The following PYGL variants were observed in gnomAD, a reference collection of about 807,000 sequenced individuals.
PYGL encodes the protein glycogen phosphorylase, liver form.
In PYGL, 90 loss-of-function variants were observed where a neutral mutation model predicts 100.1. The observed-to-expected ratio is 0.90, with a 90% CI of 0.76 to 1.07. The LOEUF (loss-of-function observed/expected upper bound fraction) is 1.07, where lower values mean the gene tolerates loss of function less well. PYGL is among the 50% of genes least tolerant of loss of function. The pLI is 0.00. For synonymous variants in PYGL, 373 were observed against 393.0 expected, an observed-to-expected ratio of 0.95 and a Z score of 0.60; for missense variants, 1,016 against 1,057.6, an observed-to-expected ratio of 0.96 and a Z score of 0.55.
At chr14:50,925,000 T>G (rs985542670) in intron 4 of PYGL, among the ~76,000 whole-genome samples, 6 of 152,236 alleles carry the variant, frequency 3.9e-5, no homozygotes, top group Non-Finnish European at 7.3e-5. Context: ...TGTGGATTGC[T>G]TAACGACAGG....
intron 7 of PYGL, among the ~76,000 whole-genome samples, chr14:50,919,217 C>A (rs955538546): frequency 2.0e-5 from 3 of 152,184 alleles, no homozygotes; most frequent in African/African-American, 4.8e-5. Flanking sequence ...CAAGCCCCTG[C>A]AGACTGGGTT....
At chr14:50,931,510 C>T (rs1265579210) in intron 4 of PYGL, among the ~76,000 whole-genome samples, 163 bp downstream of exon 4, 2 of 152,168 alleles carry the variant, frequency 1.3e-5, no homozygotes, top group Non-Finnish European at 1.5e-5. Flanking sequence ...GGGGAACATA[C>T]ATTCTGAAGT....
chr14:50,912,978 T>G, intron 13 of PYGL, 51 bp downstream of exon 13: 1 of 1,534,524 alleles, frequency 6.5e-7, no homozygotes, highest in Non-Finnish European at 9.0e-7. Context: ...AACTACAGGA[T>G]AAACTCTCAC....
At chr14:50,938,211 C>A (rs1477558820) in intron 1 of PYGL, among the ~76,000 whole-genome samples, 1 of 152,130 alleles carries the variant, frequency 6.6e-6, no homozygotes, top group African/African-American at 2.4e-5. Context: ...ATTTCAAAAT[C>A]TTTTCTTTTT....
chr14:50,940,505 A>C (rs1304933626), intron 1 of PYGL, among the ~76,000 whole-genome samples: 1 of 152,240 alleles, frequency 6.6e-6, no homozygotes, highest in African/African-American at 2.4e-5. Context: ...ACTTCCTTGC[A>C]TGACAGACTT....
intron 1 of PYGL, among the ~76,000 whole-genome samples, chr14:50,943,870 G>A (rs993579870): frequency 6.6e-6 from 1 of 152,254 alleles, no homozygotes; most frequent in Non-Finnish European, 1.5e-5. Flanking sequence ...GGACAGGCGA[G>A]AGGGGCCTGG....
chr14:50,937,348 T>C (rs1176967582), intron 2 of PYGL, among the ~76,000 whole-genome samples: 2 of 152,208 alleles, frequency 1.3e-5, no homozygotes, highest in Non-Finnish European at 2.9e-5. Flanking sequence ...CCTTGATACA[T>C]GAATAACAAA....
At chr14:50,919,388 T>G (rs2050480588) in intron 7 of PYGL, among the ~76,000 whole-genome samples, 1 of 152,176 alleles carries the variant, frequency 6.6e-6, no homozygotes, top group Admixed American at 6.5e-5. Flanking sequence ...CTAAAAATGC[T>G]CCAGCAAAAT....
At chr14:50,914,872 C>T in intron 11 of PYGL, 57 bp from the exon 12 acceptor site, 2 of 1,305,392 alleles carry the variant, frequency 1.5e-6, no homozygotes, top group Non-Finnish European at 2.2e-6. Context: ...GGGTCCTGCA[C>T]ACTGGACAAA....
At position 50,914,041 on chromosome 14, in the gene PYGL, C is replaced by T. The variant is rs188163808; in HGVS notation, c.1518+660G>A. On this transcript the variant is annotated intron_variant, in intron 12 of 19. Coordinates refer to ENST00000216392, the MANE Select transcript of PYGL (RefSeq NM_002863.5). Reference sequence around the variant, plus strand: ...TAAAGTGTTAAAAACAGGAAATCTACTTATAAGAGTGACCAGGAACCCAGG... The same window carrying T: ...TAAAGTGTTAAAAACAGGAAATCTATTTATAAGAGTGACCAGGAACCCAGG... Among the ~76,000 whole-genome samples the T allele has an allele frequency of 2.2e-3, 341 of 152,314 alleles. 8 individuals are homozygous for T. The highest frequency in any genetic ancestry group is 0.021 in the Admixed American group (328 of 15,296).
At chr14:50,943,951 C>T (rs2050724472) in intron 1 of PYGL, among the ~76,000 whole-genome samples, 1 of 152,192 alleles carries the variant, frequency 6.6e-6, no homozygotes, top group East Asian at 1.9e-4. Context: ...GCGGGTGGCA[C>T]CTCGGAGACA....
intron 5 of PYGL, among the ~76,000 whole-genome samples, chr14:50,923,009 C>T (rs997962975): frequency 6.6e-6 from 1 of 152,270 alleles, no homozygotes; most frequent in African/African-American, 2.4e-5. Flanking sequence ...CATGCTCTGA[C>T]ATCACTGGGT....
intron 19 of PYGL, among the ~76,000 whole-genome samples, chr14:50,906,703 GTGTCTTTGCAT>G (rs1407084017): frequency 2.0e-5 from 3 of 152,256 alleles, no homozygotes; most frequent in African/African-American, 7.2e-5. Flanking sequence ...TCTCTTCCCT[GTGTCTTTGCAT>G]TCTTGCGGCC....
chr14:50,915,545 G>A, intron 10 of PYGL, 46 bp from the exon 11 acceptor site: 1 of 1,606,310 alleles, frequency 6.2e-7, no homozygotes, highest in Middle Eastern at 1.7e-4. Flanking sequence ...CAGGTTTAAT[G>A]CAACATTGGG....
At chr14:50,908,674 G>C (rs973439184) in intron 18 of PYGL, 147 bp downstream of exon 18, 1 of 1,165,098 alleles carries the variant, frequency 8.6e-7, no homozygotes, top group Non-Finnish European at 1.2e-6. Context: ...AGCAGATCAC[G>C]CTAATCTATG....
chr14:50,912,393 C>G, intron 13 of PYGL, 90 bp from the exon 14 acceptor site: 1 of 1,496,950 alleles, frequency 6.7e-7, no homozygotes, highest in South Asian at 1.1e-5. Context: ...GAGTCTCACT[C>G]TTTTGCCCAG....
chr14:50,912,350 T>C (rs746434613), intron 13 of PYGL, 47 bp from the exon 14 acceptor site: 46 of 1,601,226 alleles, frequency 2.9e-5, no homozygotes, highest in Non-Finnish European at 3.8e-5. Flanking sequence ...CCTAGAAGAA[T>C]TGGGTGGTCT....
chr14:50,910,798 G>A (rs1322131992), intron 16 of PYGL, among the ~76,000 whole-genome samples: 1 of 152,084 alleles, frequency 6.6e-6, no homozygotes, highest in Non-Finnish European at 1.5e-5. Flanking sequence ...TTCCTGCAGG[G>A]AAATAAGCCA....
intron 1 of PYGL, among the ~76,000 whole-genome samples, chr14:50,940,134 G>T (rs2050690874): frequency 6.6e-6 from 1 of 152,182 alleles, no homozygotes; most frequent in Non-Finnish European, 1.5e-5. Context: ...CATAGGCAAT[G>T]GCTGGTGCTC....
Sources: allele counts gnomAD v4.1 joint callset (sites outside exome capture counted in the v4.1 genomes callset), GRCh38; gene constraint gnomAD v4.1.1; transcripts MANE v1.5; gene names NCBI Gene and HGNC (gene_info 2026-07-23, HGNC 2026-07-21).